The following TTC6 variants were observed in gnomAD, a reference collection of about 807,000 sequenced individuals.
TTC6 encodes tetratricopeptide repeat protein 6.
Under a neutral mutation model 210.4 loss-of-function variants are expected in TTC6, and 172 were observed. The observed-to-expected ratio is 0.82, with a 90% CI of 0.72 to 0.93. The LOEUF is 0.93. TTC6 is among the 40% of genes least tolerant of loss of function. The pLI is 0.00. For missense variants in TTC6, 2,414 were observed against 2,318.1 expected (o/e 1.04, Z -0.85); for synonymous variants, 804 against 819.6 (o/e 0.98, Z 0.32).
At chr14:37,637,127 C>T (rs1000524291) in intron 1 of TTC6, among the ~76,000 whole-genome samples, 4 of 151,278 alleles carry the variant, frequency 2.6e-5, no homozygotes, top group South Asian at 2.1e-4. Context: ...AAAAGAAGAA[C>T]GAAAAACAAA....
chr14:37,623,439 A>G (rs1368724506), intron 1 of TTC6, among the ~76,000 whole-genome samples: 3 of 152,248 alleles, frequency 2.0e-5, no homozygotes, highest in African/African-American at 7.2e-5. Context: ...TCAGCATGTT[A>G]CTATTTATAA....
At chr14:37,662,985 G>A (rs1463160039) in intron 1 of TTC6, among the ~76,000 whole-genome samples, 1 of 152,034 alleles carries the variant, frequency 6.6e-6, no homozygotes, top group African/African-American at 2.4e-5. Flanking sequence ...GGGCAGTATG[G>A]CCATTTTAAT....
At position 37,737,642 on chromosome 14, in the gene TTC6, C is replaced by T; in HGVS notation, c.1909-18C>T. ...GTATCTGTGACTAATGTATATTTTT[C>T]ATTTGATTATTTCACAGTGTTTCTT... On this transcript the variant is annotated intron_variant, in intron 8 of 30. Transcript: ENST00000553443. The T allele has an allele frequency of 6.9e-7, 1 of 1,439,978 alleles. No individual in the cohort carries two copies. The highest frequency in any genetic ancestry group is 2.1e-5 in the Admixed American group (1 of 46,732). The allele number at this position is 1,439,978 out of a possible 1,614,324, so 89.2% of individuals were successfully genotyped here.
chr14:37,701,330 A>G lies in TTC6; in HGVS notation c.1377-2A>G. On this transcript the variant is annotated splice_acceptor_variant, in intron 4 of 30. Transcript: ENST00000553443. LOFTEE classifies it high-confidence loss of function. ...GAGCTCACTTTCTTTTCTCTGTTGC[A>G]GAATTCCACAAGACTACTCCATGCC... is the stretch of plus-strand genomic sequence containing the variant. 1 of 1,386,130 alleles carries G rather than the reference A, an allele frequency of 7.2e-7. No individual in the cohort carries two copies. The highest frequency in any genetic ancestry group is 9.3e-7 in the Non-Finnish European group (1 of 1,071,874). 85.9% of individuals were successfully genotyped at this position (1,386,130 alleles called of 1,614,324 possible).
chr14:37,828,292 A>T (rs2096176988), intron 29 of TTC6, among the ~76,000 whole-genome samples: 1 of 152,068 alleles, frequency 6.6e-6, no homozygotes, highest in Admixed American at 6.6e-5. Context: ...TTTTATTTAT[A>T]GTCACTCTTT....
chr14:37,627,103 C>G (rs184567910), intron 1 of TTC6, among the ~76,000 whole-genome samples: 71 of 152,150 alleles, frequency 4.7e-4, no homozygotes, highest in African/African-American at 1.7e-3. Flanking sequence ...CCCTTCCCCC[C>G]ACTCTCTCTT....
chr14:37,821,892 T>C (rs1300846657), intron 26 of TTC6, among the ~76,000 whole-genome samples: 2 of 148,684 alleles, frequency 1.3e-5, no homozygotes, highest in South Asian at 2.2e-4. Context: ...GCGATTCTCC[T>C]GTCTTAGCCT....
At chr14:37,781,476 T>C (rs547768782) in intron 14 of TTC6, among the ~76,000 whole-genome samples, 148 of 152,334 alleles carry the variant, frequency 9.7e-4, no homozygotes, top group Non-Finnish European at 1.5e-3. Context: ...TGGGGTTGTT[T>C]GATTTTTCCT....
At chr14:37,603,643 C>A (rs560813228) in intron 1 of TTC6, among the ~76,000 whole-genome samples, 4 of 152,292 alleles carry the variant, frequency 2.6e-5, no homozygotes, top group Admixed American at 2.6e-4. Flanking sequence ...CCAACCTGTC[C>A]TCCCAATTTC....
chr14:37,679,137 G>A (rs1024275646), intron 1 of TTC6, among the ~76,000 whole-genome samples: 1 of 152,098 alleles, frequency 6.6e-6, no homozygotes, highest in Admixed American at 6.5e-5. Flanking sequence ...TGAAAGGAAC[G>A]CTTGAGCCCA....
At chr14:37,732,331 C>T (rs147232777) in intron 7 of TTC6, among the ~76,000 whole-genome samples, 2,354 of 150,892 alleles carry the variant, frequency 0.016, 59 homozygotes, top group African/African-American at 0.054. Flanking sequence ...TACAGGAGCC[C>T]GCCACCACGC....
intron 1 of TTC6, among the ~76,000 whole-genome samples, chr14:37,602,408 G>A (rs1270156617): frequency 2.6e-5 from 4 of 152,232 alleles, no homozygotes; most frequent in Non-Finnish European, 4.4e-5. Flanking sequence ...AACCTGCAGT[G>A]TTGTGGCAAG....
chr14:37,683,666 A>G (rs1312038584), intron 3 of TTC6, among the ~76,000 whole-genome samples: 4 of 152,124 alleles, frequency 2.6e-5, no homozygotes, highest in African/African-American at 9.7e-5. Context: ...TGCTTAACTT[A>G]TAAATTAAAC....
intron 1 of TTC6, among the ~76,000 whole-genome samples, chr14:37,653,435 T>A (rs2139431406): frequency 6.6e-6 from 1 of 152,324 alleles, no homozygotes; most frequent in East Asian, 1.9e-4. Flanking sequence ...GGACTGATTG[T>A]CTTATTTTTA....
intron 1 of TTC6, among the ~76,000 whole-genome samples, chr14:37,638,590 T>G (rs2095685487): frequency 1.8e-5 from 2 of 113,664 alleles, no homozygotes; most frequent in African/African-American, 3.5e-5. Context: ...ATTACAGGAA[T>G]GGAGAACAAG....
chr14:37,624,083 A>C (rs1385437252), intron 1 of TTC6, among the ~76,000 whole-genome samples: 1 of 152,244 alleles, frequency 6.6e-6, no homozygotes, highest in Admixed American at 6.5e-5. Flanking sequence ...TTTCAGCCCC[A>C]GAATACACTC....
intron 1 of TTC6, among the ~76,000 whole-genome samples, chr14:37,631,668 G>T (rs1398586072): frequency 6.6e-6 from 1 of 152,164 alleles, no homozygotes; most frequent in African/African-American, 2.4e-5. Context: ...TGTCTTGCTA[G>T]GTTGGGGAAT....
At chr14:37,597,517 T>A (rs2095606855) in intron 1 of TTC6, among the ~76,000 whole-genome samples, 1 of 149,588 alleles carries the variant, frequency 6.7e-6, no homozygotes, top group Non-Finnish European at 1.5e-5. Flanking sequence ...TTAGCCCACT[T>A]CCCAAACCTA....
chr14:37,681,592 C>A (rs71407711), intron 2 of TTC6, among the ~76,000 whole-genome samples: 8,689 of 152,140 alleles, frequency 0.057, 381 homozygotes, highest in Non-Finnish European at 0.089. Flanking sequence ...AGGTAAAATA[C>A]CTTTCGACTT....
Sources: allele counts gnomAD v4.1 joint callset (sites outside exome capture counted in the v4.1 genomes callset), GRCh38; gene constraint gnomAD v4.1.1; transcripts MANE v1.5; gene names NCBI Gene and HGNC (gene_info 2026-07-23, HGNC 2026-07-21).